SVOP: variants seen among roughly 807,000 people sequenced by gnomAD.
SVOP encodes the protein SV2 related protein.
SVOP carries 17 observed loss-of-function variants against 69.1 expected under a neutral mutation model. The ratio of observed to expected loss-of-function variants is 0.25; its 90% confidence interval spans 0.17 to 0.37. The LOEUF (loss-of-function observed/expected upper bound fraction) is 0.37, where lower values mean the gene tolerates loss of function less well. Among genes scored for constraint, SVOP ranks in the 10% least tolerant of loss-of-function variants. The pLI is 1.00. For missense variants in SVOP, 435 were observed against 597.5 expected, an observed-to-expected ratio of 0.73 and a Z score of 2.84; for synonymous variants, 238 against 238.6, an observed-to-expected ratio of 1.00 and a Z score of 0.02.
chr12:108,918,447 C>G lies in SVOP; in HGVS notation c.1269-323G>C, dbSNP rs116160637. ...GGCTGAGGGTGGAGCAGGAATTGAGCCAGGGGCCAGCTGAGCTGGGGAAAG... is the reference window on the plus strand; with the variant it reads ...GGCTGAGGGTGGAGCAGGAATTGAGGCAGGGGCCAGCTGAGCTGGGGAAAG... On this transcript the variant is annotated intron_variant, in intron 13 of 15. Transcript: ENST00000610966. Among the ~76,000 whole-genome samples, 384 of 152,264 alleles carry G rather than the reference C, an allele frequency of 2.5e-3. 3 individuals are homozygous for G. The highest frequency in any genetic ancestry group is 8.4e-3 in the African/African-American group (348 of 41,538).
Position 108,915,781 on chromosome 12 carries a change from AC to A in SVOP, c.1440+1del. The A allele has an allele frequency of 6.2e-7, 1 of 1,601,638 alleles. No individual in the cohort carries two copies. The highest frequency in any genetic ancestry group is 1.1e-5 in the South Asian group (1 of 88,484). On this transcript the variant is annotated splice_donor_variant, in intron 15 of 15. Transcript: ENST00000610966. LOFTEE classifies it high-confidence loss of function. ...CCCTCTGTATTTGGGGGCAGCACCT[AC>A]CTGGGCGATGAACGGAGTGATGAGA...
At position 108,954,629 on chromosome 12, in the gene SVOP, C is replaced by T. The variant is rs529280631; in HGVS notation, c.578+6294G>A. Among the ~76,000 whole-genome samples the T allele has an allele frequency of 1.1e-4, 17 of 152,306 alleles. 1 individual carries two copies. The South Asian group carries it at 3.5e-3, about 32-fold the overall frequency. ...TGGGGTGTGATTTTCTCTGTTCCAG[C>T]TACTCCACCCTTGCAATCGCATCTG... On this transcript the variant is annotated intron_variant, in intron 6 of 15. Coordinates refer to ENST00000610966, the MANE Select transcript of SVOP (RefSeq NM_018711.5).
intron 5 of SVOP, among the ~76,000 whole-genome samples, chr12:108,969,620 T>C (rs138143305): frequency 0.84 from 127,988 of 151,796 alleles, 54,189 homozygotes; most frequent in East Asian, 1. Context: ...AGCCACCGCG[T>C]TCATGCCCTC....
chr12:108,972,568 A>G, intron 4 of SVOP, 92 bp from the exon 5 acceptor site: 1 of 1,271,140 alleles, frequency 7.9e-7, no homozygotes, highest in African/African-American at 1.5e-5. Context: ...GTCACCCTCT[A>G]GGTAACAGCA....
chr12:109,003,220 C>T (rs527895188), intron 1 of SVOP, among the ~76,000 whole-genome samples: 34 of 152,152 alleles, frequency 2.2e-4, no homozygotes, highest in African/African-American at 5.3e-4. Context: ...GAGAACTGGA[C>T]GGGAATGGGA....
At chr12:108,979,908 A>T (rs2040127067) in intron 2 of SVOP, among the ~76,000 whole-genome samples, 1 of 152,256 alleles carries the variant, frequency 6.6e-6, no homozygotes, top group African/African-American at 2.4e-5. Flanking sequence ...GCTGTGGCTT[A>T]TGCCTGTAAT....
intron 11 of SVOP, among the ~76,000 whole-genome samples, chr12:108,925,216 CG>C (rs1287512972): frequency 6.6e-6 from 1 of 152,148 alleles, no homozygotes; most frequent in African/African-American, 2.4e-5. Context: ...TCCAGGAGGT[CG>C]GATCTTCAGT....
intron 1 of SVOP, among the ~76,000 whole-genome samples, chr12:109,005,248 C>A (rs1026214892): frequency 2.0e-5 from 3 of 152,158 alleles, no homozygotes; most frequent in African/African-American, 7.2e-5. Context: ...GGGTTTGAAT[C>A]CCCTACCCAC....
Position 109,009,172 on chromosome 12 carries a change from G to A in SVOP, c.35+11662C>T, listed in dbSNP as rs577502876. Among the ~76,000 whole-genome samples the A allele has an allele frequency of 4.2e-4, 63 of 151,780 alleles. 1 individual carries two copies. In the South Asian group the frequency reaches 6.1e-3, roughly 15 times the overall value. On this transcript the variant is annotated intron_variant, in intron 1 of 15. Transcript: ENST00000610966. ...AGACAGGGTTTTGCCGTGTTGGCCA[G>A]GCTGGTCTCGAACTCCTGACCTCAG...
At chr12:109,012,411 G>A (rs1268910564) in intron 1 of SVOP, among the ~76,000 whole-genome samples, 1 of 152,042 alleles carries the variant, frequency 6.6e-6, no homozygotes, top group Non-Finnish European at 1.5e-5. Context: ...GATTTTAAGT[G>A]TACTCACCAC....
intron 6 of SVOP, among the ~76,000 whole-genome samples, chr12:108,954,027 G>A (rs796118378): frequency 1.5e-4 from 23 of 148,790 alleles, no homozygotes; most frequent in African/African-American, 5.0e-4. Context: ...TGGGAGGATC[G>A]CTTGAACCCA....
intron 11 of SVOP, among the ~76,000 whole-genome samples, chr12:108,932,614 G>A (rs1393896247): frequency 6.6e-6 from 1 of 151,980 alleles, no homozygotes; most frequent in Non-Finnish European, 1.5e-5. Context: ...TCCCTTCTTG[G>A]CCAAGGGGAC....
intron 4 of SVOP, among the ~76,000 whole-genome samples, chr12:108,973,546 C>A (rs1179731102): frequency 6.6e-6 from 1 of 152,114 alleles, no homozygotes; most frequent in African/African-American, 2.4e-5. Flanking sequence ...TGTGCACCAC[C>A]ATGCCTAGCT....
chr12:109,009,616 T>C (rs137862705), intron 1 of SVOP, among the ~76,000 whole-genome samples: 5,747 of 152,200 alleles, frequency 0.038, 705 homozygotes, highest in Admixed American at 0.24. Context: ...GGTTTCACCA[T>C]GTTGGCCAGG....
chr12:108,951,836 G>A (rs2039955821), intron 6 of SVOP, among the ~76,000 whole-genome samples: 1 of 152,182 alleles, frequency 6.6e-6, no homozygotes, highest in Admixed American at 6.5e-5. Flanking sequence ...TTCCGTCCCG[G>A]TATCTATGCA....
chr12:108,954,113 C>CAAAAA (rs760331681), intron 6 of SVOP, among the ~76,000 whole-genome samples: 2 of 61,978 alleles, frequency 3.2e-5, no homozygotes, highest in Admixed American at 1.9e-4. Flanking sequence ...GAATCTGTCT[C>CAAAAA]AAAAAAAAAA....
intron 15 of SVOP, among the ~76,000 whole-genome samples, chr12:108,913,858 C>T (rs2039699620): frequency 6.6e-6 from 1 of 152,078 alleles, no homozygotes; most frequent in Non-Finnish European, 1.5e-5. Context: ...ACCAAATTGA[C>T]CAGGCTGGAC....
At position 109,021,031 on chromosome 12, in the gene SVOP, A is replaced by G; in HGVS notation, c.-163T>C. The G allele has an allele frequency of 1.8e-6, 1 of 549,350 alleles. No homozygotes were observed. The highest frequency in any genetic ancestry group is 3.3e-6 in the Non-Finnish European group (1 of 307,072). The allele number at this position is 549,350 out of a possible 1,614,324, so 34.0% of individuals were successfully genotyped here. On this transcript the variant is annotated 5_prime_UTR_variant, in exon 1 of 16. Transcript: ENST00000610966. ...GGGAGCCGCTGGGGACCAGCCCACG[A>G]GACAAAGCCTCCGCCGCCAGGAGAC...
rs1163045256 is a variant in SVOP, at chr12:108,915,834, G to T, written c.1389C>A (p.Thr463=). ...CACCCACTCTTGCCATGCCGCTGCAGGTGCCCAGGCCGAGGGCCCGCGTTG... is the reference window on the plus strand; with the variant it reads ...CACCCACTCTTGCCATGCCGCTGCATGTGCCCAGGCCGAGGGCCCGCGTTG... The part of the protein sequence containing the change: ...PTATRALGLG[T]CSGMARVGAL... The change falls in exon 15 of 16, where the codon ACC becomes ACA. Residue 463 remains threonine (T), a synonymous_variant. Transcript: ENST00000610966. 3 of 1,609,052 alleles carry T rather than the reference G, an allele frequency of 1.9e-6. No individual in the cohort carries two copies. The highest frequency in any genetic ancestry group is 2.5e-6 in the Non-Finnish European group (3 of 1,178,014).
Sources: allele counts gnomAD v4.1 joint callset (sites outside exome capture counted in the v4.1 genomes callset), GRCh38; gene constraint gnomAD v4.1.1; transcripts MANE v1.5; gene names NCBI Gene and HGNC (gene_info 2026-07-23, HGNC 2026-07-21).